Variants in GALNT8 observed in about 807,000 individuals in gnomAD.
GALNT8 encodes the protein polypeptide N-acetylgalactosaminyltransferase 8.
A neutral mutation model predicts 62.7 loss-of-function variants in GALNT8; 66 were observed. The observed-to-expected ratio is 1.05, with a 90% CI of 0.86 to 1.29. The LOEUF is 1.29. GALNT8 is among the 50% of genes most tolerant of loss of function. GALNT8 has a pLI of 0.00. For missense variants in GALNT8, 771 were observed against 791.8 expected, an observed-to-expected ratio of 0.97 and a Z score of 0.32; for synonymous variants, 288 against 294.3, an observed-to-expected ratio of 0.98 and a Z score of 0.22.
In GALNT8 at chr12:4,766,697, A is replaced by G. The variant is rs536531258; in HGVS notation, c.1761+1151A>G. Among the ~76,000 whole-genome samples the G allele has an allele frequency of 5.4e-4, 82 of 152,162 alleles. 1 individual carries two copies. The South Asian group carries it at 0.011, about 20-fold the overall frequency. On this transcript the variant is annotated intron_variant, in intron 10 of 10. Coordinates refer to ENST00000252318, the MANE Select transcript of GALNT8 (RefSeq NM_017417.2). ...AGCTTCTGCACTCTTGGGCCAATTC[A>G]TTAGGAAGGGGCAGTACCTCCTGGA...
intron 6 of GALNT8, among the ~76,000 whole-genome samples, chr12:4,755,497 C>T (rs937614477): frequency 1.3e-5 from 2 of 152,230 alleles, no homozygotes; most frequent in East Asian, 3.8e-4. Flanking sequence ...TGATTCGCTA[C>T]TGTCCTTTCT....
chr12:4,762,899 GGAA>G (rs1424931021), intron 7 of GALNT8, among the ~76,000 whole-genome samples: 1 of 152,226 alleles, frequency 6.6e-6, no homozygotes, highest in African/African-American at 2.4e-5. Flanking sequence ...GCCATGTGGT[GGAA>G]GAAGATTTAT....
rs1946297700 is a variant in GALNT8 at position 4,746,054 on chromosome 12, A to C, written c.1059-90A>C. 2.6e-5 allele frequency: 19 copies of C among 736,098 alleles called. 1 individual carries two copies. In the South Asian group the frequency reaches 2.7e-4, roughly 11 times the overall value. The allele number at this position is 736,098 out of a possible 1,614,324, so 45.6% of individuals were successfully genotyped here. A position where few individuals can be genotyped will look rare whatever the true frequency, so the allele number is the denominator to read the frequency against. ...TCATGATAAGAACAGACTTAGGTAG[A>C]GTTCTGAAGCCCAAATAATCATTGA... On this transcript the variant is annotated intron_variant, in intron 5 of 10. Coordinates refer to ENST00000252318, the MANE Select transcript of GALNT8 (RefSeq NM_017417.2).
intron 10 of GALNT8, chr12:4,768,352 A>G (rs1946408802): frequency 3.0e-6 from 1 of 328,446 alleles, no homozygotes; most frequent in Non-Finnish European, 5.9e-6. Context: ...TAAAGATACA[A>G]TGTATTCTAA....
At chr12:4,744,331 A>G (rs902346789) in intron 3 of GALNT8, among the ~76,000 whole-genome samples, 186 bp from the exon 4 acceptor site, 1 of 152,218 alleles carries the variant, frequency 6.6e-6, no homozygotes, top group African/African-American at 2.4e-5. Flanking sequence ...TGATCACAGT[A>G]CACCTCAGGT....
At position 4,770,860 on chromosome 12, in the gene GALNT8, C is replaced by A. The variant is rs562114343; in HGVS notation, c.1762-1585C>A. On this transcript the variant is annotated intron_variant, in intron 10 of 10. Coordinates refer to ENST00000252318, the MANE Select transcript of GALNT8 (RefSeq NM_017417.2). The stretch of plus-strand genomic sequence containing the variant: ...TGGGTTTATTTTGTCCTTCTAATAT[C>A]GTGACATTTGGACATGTTTAAAGGC... Among the ~76,000 whole-genome samples the A allele has an allele frequency of 2.0e-5, 3 of 152,216 alleles. No individual in the cohort carries two copies. The South Asian group carries it at 6.2e-4, about 32-fold the overall frequency.
Position 4,739,266 on chromosome 12 carries a change from A to G in GALNT8, c.613A>G (p.Ile205Val). Residue 205 changes from isoleucine (I) to valine (V), a missense_variant, in exon 3 of 11, where the codon ATC becomes GTC. Coordinates refer to ENST00000252318, the MANE Select transcript of GALNT8 (RefSeq NM_017417.2). ...TATACAACGGGCCATCACCAGTATC[A>G]TCAACCGGACGCCCTCTCGATTGTT... ...SIIQRAITSI[I>V]NRTPSRLLKE... The G allele has an allele frequency of 6.2e-7, 1 of 1,613,908 alleles. No homozygotes were observed. Among genetic ancestry groups the G allele is most frequent in the Non-Finnish European group, 8.5e-7 (1 of 1,179,780 alleles).
chr12:4,720,627 C>G lies in GALNT8; in HGVS notation c.-51C>G, dbSNP rs747579310. ...GCTGGTTCTGATTCTTAACCTGCTC[C>G]AGCAGTGACACACTCAGTCCCACAG... On this transcript the variant is annotated 5_prime_UTR_variant, in exon 1 of 11. Coordinates refer to ENST00000252318, the MANE Select transcript of GALNT8 (RefSeq NM_017417.2). 1.7e-6 allele frequency: 2 copies of G among 1,154,660 alleles called. No individual in the cohort carries two copies. The highest frequency in any genetic ancestry group is 2.6e-6 in the Non-Finnish European group (2 of 760,956). The allele number at this position is 1,154,660 out of a possible 1,614,324, so 71.5% of individuals were successfully genotyped here.
In GALNT8 at chr12:4,726,784, A is replaced by T. The variant is rs777136613; in HGVS notation, c.464A>T (p.Asn155Ile). 17 of 1,613,850 alleles carry T rather than the reference A, an allele frequency of 1.1e-5. No individual in the cohort carries two copies. Among genetic ancestry groups the T allele is most frequent in the Admixed American group, 5.0e-5 (3 of 59,990 alleles). Reference protein sequence around the residue: ...RKFGYNAYLSNQLPLNRTIPD... With the variant: ...RKFGYNAYLSIQLPLNRTIPD... ...TTTGGTTACAACGCGTACCTCAGCA[A>T]CCAGCTGCCTCTCAATCGCACCATC... is the stretch of plus-strand genomic sequence containing the variant. Residue 155 changes from asparagine to isoleucine, a missense_variant, in exon 2 of 11, where the codon AAC (asparagine) becomes ATC (isoleucine). Coordinates refer to ENST00000252318, the MANE Select transcript of GALNT8 (RefSeq NM_017417.2). This position sits in a 1 kb window ranked among gnomAD's most constrained non-coding sequence, Gnocchi z 4.1.
chr12:4,725,874 C>G (rs190545058), intron 1 of GALNT8, among the ~76,000 whole-genome samples: 1 of 152,132 alleles, frequency 6.6e-6, no homozygotes, highest in African/African-American at 2.4e-5. Context: ...GACATTCTTA[C>G]GATCACGCAA....
intron 6 of GALNT8, among the ~76,000 whole-genome samples, chr12:4,754,286 C>T (rs536891892): frequency 6.6e-6 from 1 of 152,262 alleles, no homozygotes; most frequent in East Asian, 1.9e-4. Context: ...CCTTTCGGGG[C>T]CGTGTGTTCC....
chr12:4,771,631 T>G (rs1435871829), intron 10 of GALNT8, among the ~76,000 whole-genome samples: 2 of 152,050 alleles, frequency 1.3e-5, no homozygotes, highest in Non-Finnish European at 2.9e-5. Flanking sequence ...TTATGCACCC[T>G]GAGGATGATA....
chr12:4,756,315 T>C (rs1946344701), intron 6 of GALNT8, among the ~76,000 whole-genome samples: 1 of 152,208 alleles, frequency 6.6e-6, no homozygotes, highest in Non-Finnish European at 1.5e-5. Flanking sequence ...ACACAGGTGT[T>C]GGAGACAGAC....
chr12:4,764,518 T>G (rs1591575113), intron 9 of GALNT8, among the ~76,000 whole-genome samples: 1 of 135,816 alleles, frequency 7.4e-6, no homozygotes, highest in Non-Finnish European at 1.6e-5. Flanking sequence ...ATGTGGAAGG[T>G]GCAGTCAGGG....
rs574440765 is a variant in GALNT8, at chr12:4,725,377, A to G, written c.212-1155A>G. On this transcript the variant is annotated intron_variant, in intron 1 of 10. Coordinates refer to ENST00000252318, the MANE Select transcript of GALNT8 (RefSeq NM_017417.2). ...CATAAAACATCCTCTGCCTGGGTCT[A>G]TCACTATCTGTTCATTCTTTTGAGT... Among the ~76,000 whole-genome samples, 5 of 152,226 alleles carry G rather than the reference A, an allele frequency of 3.3e-5. No homozygotes were observed. The South Asian group carries it at 6.2e-4, about 19-fold the overall frequency.
At chr12:4,771,061 A>G (rs1473842542) in intron 10 of GALNT8, among the ~76,000 whole-genome samples, 1 of 152,130 alleles carries the variant, frequency 6.6e-6, no homozygotes, top group Non-Finnish European at 1.5e-5. Context: ...AGGATCGCTG[A>G]TGGCTTGCAG....
intron 7 of GALNT8, among the ~76,000 whole-genome samples, chr12:4,762,962 A>T (rs1946379623): frequency 6.6e-6 from 1 of 152,262 alleles, no homozygotes; most frequent in Non-Finnish European, 1.5e-5. Context: ...TGAGGTACAG[A>T]AACAGCTGGA....
intron 6 of GALNT8, among the ~76,000 whole-genome samples, chr12:4,752,106 C>A (rs1946324715): frequency 6.6e-6 from 1 of 151,928 alleles, no homozygotes; most frequent in Non-Finnish European, 1.5e-5. Context: ...TATGGAATAT[C>A]TTTTTCCATC....
chr12:4,732,534 T>C (rs537592078), intron 2 of GALNT8, among the ~76,000 whole-genome samples: 1 of 71,674 alleles, frequency 1.4e-5, no homozygotes, highest in Non-Finnish European at 3.1e-5. Context: ...AGAGATCTGT[T>C]CCTCTAGATG....
Sources: gnomAD v4.1 joint callset for allele counts (sites outside exome capture counted in the v4.1 genomes callset) on GRCh38, gnomAD v4.1.1 for gene constraint, Gnocchi (gnomAD v3.1) non-coding constraint, MANE v1.5 for transcripts, NCBI Gene and HGNC (gene_info 2026-07-23, HGNC 2026-07-21) for gene names.